The following PCDH9 variants were observed in gnomAD, a reference collection of about 807,000 sequenced individuals.
PCDH9 encodes protocadherin 9.
PCDH9 carries 24 observed loss-of-function variants against 70.6 expected under a neutral mutation model. That is an observed-to-expected ratio of 0.34 (90% CI 0.25 to 0.48). The LOEUF (loss-of-function observed/expected upper bound fraction) is 0.48, where lower values mean the gene tolerates loss of function less well. Among genes scored for constraint, PCDH9 ranks in the 20% least tolerant of loss-of-function variants. The probability of loss-of-function intolerance (pLI) is 0.99; values close to 1 mark genes in which losing one functional copy is unlikely to be tolerated. For synonymous variants in PCDH9, 562 were observed against 558.5 expected (o/e 1.01, Z -0.09); for missense variants, 1,281 against 1,503.6 (o/e 0.85, Z 2.45).
intron 2 of PCDH9, among the ~76,000 whole-genome samples, chr13:67,155,951 C>T (rs1166496680): frequency 6.6e-6 from 1 of 152,152 alleles, no homozygotes; most frequent in Non-Finnish European, 1.5e-5. Flanking sequence ...GAACGTTCAC[C>T]TCCCTGATTC....
At chr13:66,828,174 T>C (rs2080858109) in intron 3 of PCDH9, among the ~76,000 whole-genome samples, 1 of 152,128 alleles carries the variant, frequency 6.6e-6, no homozygotes, top group South Asian at 2.1e-4. Flanking sequence ...AACTAATTTA[T>C]AGGGCTGAGC....
intron 4 of PCDH9, among the ~76,000 whole-genome samples, chr13:66,545,178 GT>G (rs995618055): frequency 1.3e-5 from 2 of 152,038 alleles, no homozygotes; most frequent in African/African-American, 4.8e-5. Context: ...TTCTCATTAA[GT>G]TTGTTTTATT....
At chr13:67,074,459 T>C (rs1339076028) in intron 2 of PCDH9, among the ~76,000 whole-genome samples, 2 of 152,156 alleles carry the variant, frequency 1.3e-5, no homozygotes, top group African/African-American at 2.4e-5. Flanking sequence ...CTACGGTATT[T>C]TTGTTATAGC....
At chr13:66,961,160 T>C (rs1381484748) in intron 2 of PCDH9, among the ~76,000 whole-genome samples, 1 of 152,210 alleles carries the variant, frequency 6.6e-6, no homozygotes, top group African/African-American at 2.4e-5. Flanking sequence ...ACACTATAAT[T>C]CTATTTAAAG....
intron 2 of PCDH9, among the ~76,000 whole-genome samples, chr13:67,158,006 C>A (rs981182679): frequency 1.3e-5 from 2 of 152,072 alleles, no homozygotes; most frequent in African/African-American, 4.8e-5. Context: ...TGAGATGGAG[C>A]GAGTTTAAAA....
chr13:66,386,795 C>A (rs958142703), intron 4 of PCDH9, among the ~76,000 whole-genome samples: 1 of 151,892 alleles, frequency 6.6e-6, no homozygotes, highest in Non-Finnish European at 1.5e-5. Flanking sequence ...TTGTTGGGAG[C>A]AAAATACCAG....
chr13:67,122,398 T>A (rs953996355), intron 2 of PCDH9, among the ~76,000 whole-genome samples: 2 of 152,104 alleles, frequency 1.3e-5, no homozygotes, highest in Non-Finnish European at 2.9e-5. Flanking sequence ...ACATATTTTC[T>A]AGTTCAAAAA....
intron 4 of PCDH9, among the ~76,000 whole-genome samples, chr13:66,564,646 CCTTT>C (rs1176752587): frequency 2.0e-5 from 3 of 151,882 alleles, no homozygotes; most frequent in South Asian, 2.1e-4. Context: ...GATTTTTCCC[CCTTT>C]CTTCTAGTTA....
chr13:66,887,058 C>T (rs1364624075), intron 3 of PCDH9, among the ~76,000 whole-genome samples: 1 of 151,436 alleles, frequency 6.6e-6, no homozygotes, highest in Non-Finnish European at 1.5e-5. Context: ...CACACACACA[C>T]ACACACACAC....
At position 66,414,169 on chromosome 13, in the gene PCDH9, A is replaced by T. The variant is rs986236765; in HGVS notation, c.3341-109141T>A. ...ATTTTCATCTCTCTCCTAACACTTTAAATTTCACTCTGCAATTTGGAACAG... is the reference window on the plus strand; with the variant it reads ...ATTTTCATCTCTCTCCTAACACTTTTAATTTCACTCTGCAATTTGGAACAG... On this transcript the variant is annotated intron_variant, in intron 4 of 4. Coordinates refer to ENST00000377865, the MANE Select transcript of PCDH9 (RefSeq NM_203487.3). 3.3e-5 allele frequency among the ~76,000 whole-genome samples: 5 copies of T among 152,208 alleles called. No individual in the cohort carries two copies. In the East Asian group the frequency reaches 9.6e-4, roughly 29 times the overall value.
intron 4 of PCDH9, among the ~76,000 whole-genome samples, chr13:66,464,747 C>A (rs904761065): frequency 6.6e-6 from 1 of 151,758 alleles, no homozygotes; most frequent in African/African-American, 2.4e-5. Context: ...AGCACAGCTT[C>A]CTAAATTTGG....
At chr13:67,155,013 C>T (rs994495538) in intron 2 of PCDH9, among the ~76,000 whole-genome samples, 10 of 152,002 alleles carry the variant, frequency 6.6e-5, no homozygotes, top group African/African-American at 2.4e-4. Context: ...TTCTTTTTAC[C>T]TAATTTCATC....
At chr13:66,441,290 T>G (rs78999098) in intron 4 of PCDH9, among the ~76,000 whole-genome samples, 3,061 of 152,262 alleles carry the variant, frequency 0.02, 129 homozygotes, top group African/African-American at 0.07. Context: ...CACCAGTGTT[T>G]CCAAAAATTA....
At chr13:66,437,447 G>A (rs898236820) in intron 4 of PCDH9, among the ~76,000 whole-genome samples, 2 of 140,670 alleles carry the variant, frequency 1.4e-5, no homozygotes, top group South Asian at 2.3e-4. Flanking sequence ...CAAAGGTAGT[G>A]TCTGAAATGT....
chr13:66,714,617 G>A (rs766282156), intron 3 of PCDH9, among the ~76,000 whole-genome samples: 72 of 152,016 alleles, frequency 4.7e-4, no homozygotes, highest in Non-Finnish European at 1.8e-4. Context: ...TTACTTAGGC[G>A]TTCATGTACC....
intron 3 of PCDH9, among the ~76,000 whole-genome samples, chr13:66,853,689 A>G (rs1157851105): frequency 1.3e-5 from 2 of 152,062 alleles, no homozygotes; most frequent in Non-Finnish European, 2.9e-5. Context: ...GAAAATTTCC[A>G]AAAGACTCAC....
chr13:66,497,814 C>CTTTTTT (rs763360211), intron 4 of PCDH9, among the ~76,000 whole-genome samples: 44 of 111,304 alleles, frequency 4.0e-4, no homozygotes, highest in East Asian at 5.8e-4. Context: ...CACACTCTTA[C>CTTTTTT]TTTTTTTTTT....
rs145346279 is a variant in PCDH9, at chr13:67,186,355, G to A, written c.3036+39050C>T. Among the ~76,000 whole-genome samples, 7 of 152,222 alleles carry A rather than the reference G, an allele frequency of 4.6e-5. No individual in the cohort carries two copies. The East Asian group carries it at 7.7e-4, about 17-fold the overall frequency. On this transcript the variant is annotated intron_variant, in intron 2 of 4. Transcript: ENST00000377865. ...CAATTTCATTTCAGGAACCAAAAAC[G>A]TATGTAGGGGACGAGGAAATGTCTA...
intron 2 of PCDH9, among the ~76,000 whole-genome samples, chr13:66,952,140 T>G (rs948197795): frequency 1.3e-5 from 2 of 152,132 alleles, no homozygotes; most frequent in Admixed American, 6.5e-5. Flanking sequence ...CAGTCTAGTT[T>G]CCCCTTCATG....
Sources: gnomAD v4.1 joint callset for allele counts (sites outside exome capture counted in the v4.1 genomes callset) on GRCh38, gnomAD v4.1.1 for gene constraint, MANE v1.5 for transcripts, NCBI Gene and HGNC (gene_info 2026-07-23, HGNC 2026-07-21) for gene names.